Variants in KCNQ2 observed in about 807,000 individuals in gnomAD.
The protein encoded by KCNQ2 is potassium voltage-gated channel subfamily Q member 2.
Under a neutral mutation model 84.8 loss-of-function variants are expected in KCNQ2, and 14 were observed. The observed-to-expected ratio is 0.17, with a 90% CI of 0.11 to 0.26. The LOEUF is 0.26. Ranked by LOEUF, KCNQ2 falls within the 10% of genes least tolerant of loss-of-function variation. The pLI is 1.00. For missense variants in KCNQ2, 788 were observed against 1,254.0 expected, an observed-to-expected ratio of 0.63 and a Z score of 5.61; for synonymous variants, 599 against 554.1, an observed-to-expected ratio of 1.08 and a Z score of -1.14.
intron 1 of KCNQ2, among the ~76,000 whole-genome samples, chr20:63,454,096 G>A (rs1214140136): frequency 2.0e-5 from 3 of 152,186 alleles, no homozygotes; most frequent in African/African-American, 4.8e-5. Flanking sequence ...GGATGCGGCC[G>A]AGATCTGTGG....
rs533717323 is a variant in KCNQ2, at chr20:63,408,701, C to T, written c.1764-165G>A. 4.5e-4 allele frequency among the ~76,000 whole-genome samples: 69 copies of T among 152,348 alleles called. No individual in the cohort carries two copies. Among genetic ancestry groups the T allele is most frequent in the African/African-American group, 1.5e-3 (64 of 41,574 alleles). ...CAGGACAGATGGACGGGGTGCGCCC[C>T]GTTCTCAGCCCGTCTTCTGGCACCG... On this transcript the variant is annotated intron_variant, in intron 15 of 16. Coordinates refer to ENST00000359125, the MANE Select transcript of KCNQ2 (RefSeq NM_172107.4). The surrounding 1 kb of genome is among the most constrained non-coding windows in gnomAD (Gnocchi z 5.0).
At chr20:63,467,619 G>A (rs867303275) in intron 1 of KCNQ2, among the ~76,000 whole-genome samples, 1 of 152,228 alleles carries the variant, frequency 6.6e-6, no homozygotes, top group Non-Finnish European at 1.5e-5. Context: ...GGCCATGGAC[G>A]TGTCAGGAGC....
intron 15 of KCNQ2, 159 bp downstream of exon 15, chr20:63,413,291 C>T: frequency 1.8e-5 from 14 of 770,606 alleles, no homozygotes; most frequent in Non-Finnish European, 2.8e-5. Flanking sequence ...TTAAAACAGA[C>T]TTTGTGAAGA....
chr20:63,458,156 C>T (rs974091230), intron 1 of KCNQ2, among the ~76,000 whole-genome samples: 4 of 152,112 alleles, frequency 2.6e-5, no homozygotes, highest in African/African-American at 9.7e-5. Flanking sequence ...TTTACTCTTC[C>T]TCCCGGCATG....
rs1175935268 is a variant in KCNQ2 at position 63,425,313 on chromosome 20, C to T, written c.1218-1107G>A. ...CCAGCATTCAACCACTGCATTCCCCCGACCCCCCAAAATTCATGTCCATCT... is the reference window on the plus strand; with the variant it reads ...CCAGCATTCAACCACTGCATTCCCCTGACCCCCCAAAATTCATGTCCATCT... On this transcript the variant is annotated intron_variant, in intron 10 of 16. Coordinates refer to ENST00000359125, the MANE Select transcript of KCNQ2 (RefSeq NM_172107.4). This position sits in a 1 kb window ranked among gnomAD's most constrained non-coding sequence, Gnocchi z 5.5. Among the ~76,000 whole-genome samples the T allele has an allele frequency of 2.0e-5, 3 of 152,138 alleles. No homozygotes were observed. The highest frequency in any genetic ancestry group is 2.9e-5 in the Non-Finnish European group (2 of 68,014).
At chr20:63,470,256 G>C (rs1268889704) in intron 1 of KCNQ2, among the ~76,000 whole-genome samples, 1 of 147,248 alleles carries the variant, frequency 6.8e-6, no homozygotes, top group Non-Finnish European at 1.5e-5. Flanking sequence ...GGTTCAGGGA[G>C]CTCCGTGCCC....
chr20:63,459,128 A>T lies in KCNQ2; in HGVS notation c.297-12291T>A, dbSNP rs563295183. 3 of 152,446 alleles carry T rather than the reference A, an allele frequency of 2.0e-5. No individual in the cohort carries two copies. The South Asian group carries it at 6.2e-4, about 32-fold the overall frequency. 9.4% of individuals were successfully genotyped at this position (152,446 alleles called of 1,614,324 possible). ...CCCCCAGACACGGAGAGGATGAAGGAGTACCCTAAACACGAAGGAACCTGA... is the reference window on the plus strand; with the variant it reads ...CCCCCAGACACGGAGAGGATGAAGGTGTACCCTAAACACGAAGGAACCTGA... On this transcript the variant is annotated intron_variant, in intron 1 of 16. Coordinates refer to ENST00000359125, the MANE Select transcript of KCNQ2 (RefSeq NM_172107.4).
At chr20:63,470,530 G>A (rs1280968885) in intron 1 of KCNQ2, among the ~76,000 whole-genome samples, 2 of 152,234 alleles carry the variant, frequency 1.3e-5, no homozygotes, top group African/African-American at 2.4e-5. Flanking sequence ...CAGGCAGGGG[G>A]CGGCCATGCG....
rs753033741 is a variant in KCNQ2 at position 63,407,143 on chromosome 20, G to A, written c.2120C>T (p.Ala707Val). 6.4e-6 allele frequency: 10 copies of A among 1,573,524 alleles called. No individual in the cohort carries two copies. Among genetic ancestry groups the A allele is most frequent in the East Asian group, 4.7e-5 (2 of 42,718 alleles). The change falls in exon 17 of 17, where the codon GCG becomes GTG. Residue 707 changes from alanine to valine, a missense_variant. Physicochemically the swap from Ala to Val is moderately conservative, Grantham distance 64 (BLOSUM62 0). Coordinates refer to ENST00000359125, the MANE Select transcript of KCNQ2 (RefSeq NM_172107.4). This position sits in a 1 kb window ranked among gnomAD's most constrained non-coding sequence, Gnocchi z 7.2. ...GQKNFSAPPA[A>V]PPVQCPPSTS... ...GGAGGGCGGACACTGGACAGGGGGC[G>A]CGGCCGGGGGCGCCGAGAAGTTCTT...
In KCNQ2 at chr20:63,408,956, G is replaced by A. The variant is rs2080030309; in HGVS notation, c.1764-420C>T. On this transcript the variant is annotated intron_variant, in intron 15 of 16. Coordinates refer to ENST00000359125, the MANE Select transcript of KCNQ2 (RefSeq NM_172107.4). The surrounding 1 kb of genome is among the most constrained non-coding windows in gnomAD (Gnocchi z 5.0). ...ACTGCAGGGCCTGGAGCCCACTCCA[G>A]AGGATGCCCCTCCCCCTACCCGTGC... Among the ~76,000 whole-genome samples, 1 of 152,228 alleles carries A rather than the reference G, an allele frequency of 6.6e-6. No homozygotes were observed. Among genetic ancestry groups the A allele is most frequent in the South Asian group, 2.1e-4 (1 of 4,838 alleles).
chr20:63,401,233 TCTC>T lies in KCNQ2; in HGVS notation c.*5408_*5410del, dbSNP rs1260132492. ...CCATCCCAAATGGTCCCCTCCCGTC[TCTC>T]CTCCTCCACCGTTGCCCACAACCTC... On this transcript the variant is annotated 3_prime_UTR_variant, in exon 17 of 17. Transcript: ENST00000359125. 2 of 198,146 alleles carry T rather than the reference TCTC, an allele frequency of 1.0e-5. No individual in the cohort carries two copies. Among genetic ancestry groups the T allele is most frequent in the East Asian group, 1.2e-4 (1 of 8,644 alleles). 12.3% of individuals were successfully genotyped at this position (198,146 alleles called of 1,614,324 possible).
intron 12 of KCNQ2, among the ~76,000 whole-genome samples, chr20:63,418,688 C>T (rs948940008): frequency 1.3e-5 from 2 of 152,204 alleles, no homozygotes; most frequent in Non-Finnish European, 2.9e-5. Flanking sequence ...CAGGCCATGC[C>T]CCAGGCAGCC....
intron 4 of KCNQ2, among the ~76,000 whole-genome samples, chr20:63,443,387 A>ATT: frequency 1.5e-5 from 2 of 129,774 alleles, no homozygotes; most frequent in African/African-American, 2.6e-5. Context: ...CATCATCACC[A>ATT]CCACCATCAC....
intron 5 of KCNQ2, 32 bp downstream of exon 5, chr20:63,442,374 G>A (rs1275737058): frequency 6.2e-7 from 1 of 1,613,578 alleles, no homozygotes; most frequent in African/African-American, 1.3e-5. Context: ...GTATCAGCAG[G>A]GAAAGGGAAA....
chr20:63,433,572 G>C, intron 8 of KCNQ2: 1 of 759,316 alleles, frequency 1.3e-6, no homozygotes, highest in Non-Finnish European at 2.1e-6. Context: ...CACGACCCAC[G>C]GCCAGGACGA....
rs749420540 is a variant in KCNQ2 at position 63,408,499 on chromosome 20, C to T, written c.1801G>A (p.Asp601Asn). The T allele has an allele frequency of 1.1e-5, 17 of 1,609,404 alleles. No homozygotes were observed. Among genetic ancestry groups the T allele is most frequent in the Non-Finnish European group, 4.2e-6 (5 of 1,178,756 alleles). Residue 601 changes from aspartate (D) to asparagine (N), a missense_variant, in exon 16 of 17, where the codon GAC becomes AAC. Asp to Asn is a conservative substitution (Grantham distance 23). Coordinates refer to ENST00000359125, the MANE Select transcript of KCNQ2 (RefSeq NM_172107.4). The surrounding 1 kb of genome is among the most constrained non-coding windows in gnomAD (Gnocchi z 5.0). ...GCCGGGCCCTTGGTGCGGTCCTTGT[C>T]CGTGATCGCTGGGCCCCGCCCCACG... ...QIVGRGPAIT[D>N]KDRTKGPAEA... is the part of the protein sequence containing the mutation.
rs781295968 is a variant in KCNQ2 at position 63,444,848 on chromosome 20, G to A, written c.515-14C>T. ...GCACCATGATGTCTACAAAGCGGGC[G>A]TGGAGCTGGTGAGCTGCTGGGCCGC... On this transcript the variant is annotated splice_polypyrimidine_tract_variant and intron_variant, in intron 3 of 16. Transcript: ENST00000359125. The A allele has an allele frequency of 1.1e-4, 179 of 1,575,622 alleles. 1 individual carries two copies. The East Asian group carries it at 1.8e-3, about 16-fold the overall frequency.
intron 1 of KCNQ2, among the ~76,000 whole-genome samples, chr20:63,462,530 C>G (rs116821485): frequency 6.6e-6 from 1 of 152,224 alleles, no homozygotes; most frequent in Non-Finnish European, 1.5e-5. Flanking sequence ...CTGCACACAC[C>G]TTCTGTCTCC....
At chr20:63,456,312 C>G (rs1477597694) in intron 1 of KCNQ2, among the ~76,000 whole-genome samples, 3 of 152,210 alleles carry the variant, frequency 2.0e-5, no homozygotes, top group African/African-American at 7.2e-5. Context: ...GCTTCATGCA[C>G]TTGGGGAAGA....
Sources: gnomAD v4.1 joint callset for allele counts (sites outside exome capture counted in the v4.1 genomes callset) on GRCh38, gnomAD v4.1.1 for gene constraint, Gnocchi (gnomAD v3.1) non-coding constraint, MANE v1.5 for transcripts, NCBI Gene and HGNC (gene_info 2026-07-23, HGNC 2026-07-21) for gene names.